The following FIBCD1 variants were observed in gnomAD, a reference collection of about 807,000 sequenced individuals.
FIBCD1 encodes the protein fibrinogen C domain-containing protein 1.
A neutral mutation model predicts 45.1 loss-of-function variants in FIBCD1; 47 were observed. The ratio of observed to expected loss-of-function variants is 1.04; its 90% CI spans 0.82 to 1.33. The LOEUF (loss-of-function observed/expected upper bound fraction) is 1.33. Ranked by LOEUF, FIBCD1 falls within the 40% of genes most tolerant of loss-of-function variation. The pLI is 0.00. For missense variants in FIBCD1, 653 were observed against 682.2 expected, an observed-to-expected ratio of 0.96 and a Z score of 0.48; for synonymous variants, 313 against 308.1, an observed-to-expected ratio of 1.02 and a Z score of -0.17.
chr9:130,914,652 A>T (rs1488712566), intron 4 of FIBCD1, among the ~76,000 whole-genome samples: 1 of 152,196 alleles, frequency 6.6e-6, no homozygotes, highest in Non-Finnish European at 1.5e-5. Flanking sequence ...ACCATCCAGA[A>T]TGAGAGCAAG....
At chr9:130,923,933 A>G in intron 3 of FIBCD1, 53 bp from the exon 4 acceptor site, 3 of 1,608,978 alleles carry the variant, frequency 1.9e-6, no homozygotes, top group African/African-American at 2.7e-5. Context: ...GTTCCTGCCC[A>G]GCCCCCTGGC....
At chr9:130,904,445 ACG>A in intron 6 of FIBCD1, 122 bp from the exon 7 acceptor site, 2 of 1,387,980 alleles carry the variant, frequency 1.4e-6, no homozygotes, top group Non-Finnish European at 1.9e-6. Context: ...ACACGTACGC[ACG>A]TGCTCTCACA....
At chr9:130,914,695 A>G (rs1017139740) in intron 4 of FIBCD1, among the ~76,000 whole-genome samples, 4 of 152,118 alleles carry the variant, frequency 2.6e-5, no homozygotes, top group African/African-American at 9.7e-5. Flanking sequence ...AGCCTCCGAG[A>G]GGATCCCCCA....
chr9:130,932,467 A>G (rs544421958), intron 1 of FIBCD1, among the ~76,000 whole-genome samples: 8 of 152,214 alleles, frequency 5.3e-5, no homozygotes, highest in Admixed American at 1.3e-4. Context: ...CATCAAGACA[A>G]TTTACTCCAG....
chr9:130,910,705 C>A (rs1832022157), intron 5 of FIBCD1, among the ~76,000 whole-genome samples: 1 of 152,178 alleles, frequency 6.6e-6, no homozygotes, highest in Non-Finnish European at 1.5e-5. Context: ...CTGTGTCTAG[C>A]TCAGGGTTTG....
At chr9:130,906,935 A>T (rs1831939236) in intron 5 of FIBCD1, among the ~76,000 whole-genome samples, 1 of 152,122 alleles carries the variant, frequency 6.6e-6, no homozygotes, top group African/African-American at 2.4e-5. Flanking sequence ...AGTGCCTATT[A>T]CTACCTATTT....
At chr9:130,908,574 C>T (rs1831977479) in intron 5 of FIBCD1, among the ~76,000 whole-genome samples, 2 of 152,208 alleles carry the variant, frequency 1.3e-5, no homozygotes, top group South Asian at 4.1e-4. Flanking sequence ...GGGGCTCCCC[C>T]AACCCCAACA....
chr9:130,937,326 C>G (rs1324902448), intron 1 of FIBCD1, among the ~76,000 whole-genome samples: 1 of 152,188 alleles, frequency 6.6e-6, no homozygotes. Flanking sequence ...AATCCCCACT[C>G]TCTTGCCAAC....
intron 4 of FIBCD1, among the ~76,000 whole-genome samples, chr9:130,914,911 C>A (rs971414924): frequency 6.6e-6 from 1 of 152,224 alleles, no homozygotes; most frequent in Non-Finnish European, 1.5e-5. Context: ...CCATGTCCCT[C>A]CCCAAACCCT....
chr9:130,921,141 G>T (rs1449107075), intron 4 of FIBCD1, among the ~76,000 whole-genome samples: 1 of 152,234 alleles, frequency 6.6e-6, no homozygotes, highest in Non-Finnish European at 1.5e-5. Context: ...GCCCACACAG[G>T]TCCCTCCGGG....
In FIBCD1 at chr9:130,915,450, C is replaced by T. The variant is rs1452279290; in HGVS notation, c.850-3562G>A. On this transcript the variant is annotated intron_variant, in intron 4 of 6. Coordinates refer to ENST00000372338, the MANE Select transcript of FIBCD1 (RefSeq NM_032843.5). ...AGGAGCGGTGGCTCACGCCTGTAAC[C>T]CCAGCACTTTGGGAGGCCGAGGCAG... is the stretch of plus-strand genomic sequence containing the variant. 1.3e-5 allele frequency among the ~76,000 whole-genome samples: 2 copies of T among 152,174 alleles called. 1 individual carries two copies. The highest frequency in any genetic ancestry group is 2.9e-5 in the Non-Finnish European group (2 of 68,038).
In FIBCD1 at chr9:130,922,314, G is replaced by T. The variant is rs941011633; in HGVS notation, c.849+1430C>A. On this transcript the variant is annotated intron_variant, in intron 4 of 6. Coordinates refer to ENST00000372338, the MANE Select transcript of FIBCD1 (RefSeq NM_032843.5). The surrounding 1 kb of genome is among the most constrained non-coding windows in gnomAD (Gnocchi z 4.5). ...GGGGTCTCTGTTCCTGGCTAAGCAGGCCTGACTGGCATCGCCGGCCTCCCA... is the reference window on the plus strand; with the variant it reads ...GGGGTCTCTGTTCCTGGCTAAGCAGTCCTGACTGGCATCGCCGGCCTCCCA... 6.6e-6 allele frequency among the ~76,000 whole-genome samples: 1 copy of T among 152,144 alleles called. No individual in the cohort carries two copies. The highest frequency in any genetic ancestry group is 1.9e-4 in the East Asian group (1 of 5,182).
chr9:130,923,345 G>A (rs760380384), intron 4 of FIBCD1, among the ~76,000 whole-genome samples: 5 of 152,142 alleles, frequency 3.3e-5, no homozygotes, highest in African/African-American at 9.7e-5. Flanking sequence ...TTCTGCACAC[G>A]CGCCGTGTAT....
Position 130,924,439 on chromosome 9 carries a change from TGG to T in FIBCD1, c.553-45_553-44del, listed in dbSNP as rs756076743. 10 of 1,463,734 alleles carry T rather than the reference TGG, an allele frequency of 6.8e-6. No individual in the cohort carries two copies. The African/African-American group carries it at 1.4e-4, about 20-fold the overall frequency. The allele number at this position is 1,463,734 out of a possible 1,614,324, so 90.7% of individuals were successfully genotyped here. The stretch of plus-strand genomic sequence containing the variant: ...TGAGCCGAGGGGGCAGGGGCTCTGT[TGG>T]GGGTGGGGTGGCGCACATAGCAGGT... On this transcript the variant is annotated intron_variant, in intron 2 of 6. Coordinates refer to ENST00000372338, the MANE Select transcript of FIBCD1 (RefSeq NM_032843.5).
chr9:130,905,352 C>T lies in FIBCD1; in HGVS notation c.1008G>A (p.Glu336=). 1 of 1,614,042 alleles carries T rather than the reference C, an allele frequency of 6.2e-7. No individual in the cohort carries two copies. The highest frequency in any genetic ancestry group is 8.5e-7 in the Non-Finnish European group (1 of 1,179,990). Residue 336 remains glutamate (E), a synonymous_variant, in exon 6 of 7, where the codon GAG becomes GAA. Coordinates refer to ENST00000372338, the MANE Select transcript of FIBCD1 (RefSeq NM_032843.5). ...CATAGGCCGTGCCATTCTCAAAGTC[C>T]TCCAGGTCCACGTGCAGCTCGTAGG... ...QAAYELHVDL[E]DFENGTAYAR... is the part of the protein sequence containing the mutation.
chr9:130,916,772 C>T (rs1018108621), intron 4 of FIBCD1, among the ~76,000 whole-genome samples: 2 of 152,330 alleles, frequency 1.3e-5, no homozygotes, highest in South Asian at 4.1e-4. Flanking sequence ...CTTTCTGCCC[C>T]ACCCACCGAA....
rs921359421 is a variant in FIBCD1 at position 130,926,202 on chromosome 9, C to G, written c.553-1806G>C. 2.6e-5 allele frequency among the ~76,000 whole-genome samples: 4 copies of G among 152,232 alleles called. No individual in the cohort carries two copies. The highest frequency in any genetic ancestry group is 9.7e-5 in the African/African-American group (4 of 41,450). On this transcript the variant is annotated intron_variant, in intron 2 of 6. Coordinates refer to ENST00000372338, the MANE Select transcript of FIBCD1 (RefSeq NM_032843.5). The surrounding 1 kb of genome is among the most constrained non-coding windows in gnomAD (Gnocchi z 4.1). ...GCAAACATCACTTGGTTAAGTCACA[C>G]TGGTACTGCCCATTTATCTGAGTCA...
chr9:130,927,960 G>A (rs1034495229), intron 2 of FIBCD1, among the ~76,000 whole-genome samples: 36 of 152,276 alleles, frequency 2.4e-4, no homozygotes, highest in Non-Finnish European at 3.4e-4. Context: ...GCACCTGGCC[G>A]GGAAGCTGCC....
In FIBCD1 at chr9:130,929,945, G is replaced by A. The variant is rs772487058; in HGVS notation, c.174C>T (p.His58=). Residue 58 remains histidine (H), a synonymous_variant, in exon 2 of 7, where the codon CAC becomes CAT. Coordinates refer to ENST00000372338, the MANE Select transcript of FIBCD1 (RefSeq NM_032843.5). ...CAGGTGGGGGCGCCGTGCCCGGCGC[G>A]TGGGCGTGGTTCAGGAAGAGCACGG... ...TGAVLFLNHA[H]APGTAPPPVV... The A allele has an allele frequency of 2.1e-5, 32 of 1,548,982 alleles. No homozygotes were observed. In the African/African-American group the frequency reaches 2.6e-4, roughly 13 times the overall value.
Sources: allele counts gnomAD v4.1 joint callset (sites outside exome capture counted in the v4.1 genomes callset), GRCh38; gene constraint gnomAD v4.1.1; non-coding constraint Gnocchi (gnomAD v3.1); transcripts MANE v1.5; gene names NCBI Gene and HGNC (gene_info 2026-07-23, HGNC 2026-07-21).